CNOT2: variants seen among roughly 807,000 people sequenced by gnomAD.
The protein encoded by CNOT2 is CCR4-NOT transcription complex subunit 2.
In CNOT2, 7 loss-of-function variants were observed where a neutral mutation model predicts 72.1. The observed-to-expected ratio is 0.10, with a 90% confidence interval of 0.06 to 0.18. The LOEUF is 0.18. CNOT2 is among the 10% of genes least tolerant of loss of function. The pLI is 1.00. For synonymous variants in CNOT2, 196 were observed against 225.6 expected, an observed-to-expected ratio of 0.87 and a Z score of 1.17; for missense variants, 345 against 660.3, an observed-to-expected ratio of 0.52 and a Z score of 5.23.
intron 2 of CNOT2, among the ~76,000 whole-genome samples, chr12:70,283,334 C>T (rs1870203905): frequency 6.6e-6 from 1 of 151,890 alleles, no homozygotes; most frequent in Admixed American, 6.6e-5. Context: ...GTGCTGTGCA[C>T]CTGTAGTCCT....
intron 11 of CNOT2, among the ~76,000 whole-genome samples, chr12:70,341,071 C>T (rs573169340): frequency 1.1e-4 from 16 of 151,830 alleles, no homozygotes; most frequent in African/African-American, 2.7e-4. Context: ...TTAGTAGAGA[C>T]GGGATTTCAC....
intron 1 of CNOT2, among the ~76,000 whole-genome samples, chr12:70,270,162 A>T (rs1959186928): frequency 6.6e-6 from 1 of 152,168 alleles, no homozygotes; most frequent in Non-Finnish European, 1.5e-5. Flanking sequence ...ATTTTTAAAT[A>T]CTTGTTTCAA....
Position 70,329,410 on chromosome 12 carries a change from AT to A in CNOT2, c.239-6del, listed in dbSNP as rs760395199. The A allele has an allele frequency of 8.1e-6, 13 of 1,602,058 alleles. No homozygotes were observed. Among genetic ancestry groups the A allele is most frequent in the East Asian group, 2.2e-5 (1 of 44,658 alleles). Reference sequence around the variant, plus strand: ...ATGGCAATGAATTTCCTTCTTCTGAATTTTTTTATTAGGTGCACTAGGCCTT... The same window carrying A: ...ATGGCAATGAATTTCCTTCTTCTGAATTTTTTATTAGGTGCACTAGGCCTT... On this transcript the variant is annotated splice_polypyrimidine_tract_variant and intron_variant, in intron 4 of 15. Transcript: ENST00000229195.
intron 2 of CNOT2, among the ~76,000 whole-genome samples, chr12:70,306,740 G>C (rs1442266000): frequency 6.6e-6 from 1 of 152,156 alleles, no homozygotes; most frequent in African/African-American, 2.4e-5. Flanking sequence ...TTCTAATGCT[G>C]TATATCCAAG....
At chr12:70,336,416 A>T (rs1880707929) in intron 8 of CNOT2, 1 of 152,110 alleles carries the variant, frequency 6.6e-6, no homozygotes, top group African/African-American at 2.4e-5. Context: ...TATTTTTATC[A>T]CATAGTTTTT....
chr12:70,278,090 C>A lies in CNOT2; in HGVS notation c.-95-42C>A, dbSNP rs1869166715. On this transcript the variant is annotated intron_variant, in intron 1 of 15. Transcript: ENST00000229195. ...ATTTTTGCTGCTGTTGATATATTTA[C>A]ATGTTAGTAATTTTGATGGCTTTTG... is the stretch of plus-strand genomic sequence containing the variant. The A allele has an allele frequency of 2.4e-5, 14 of 592,238 alleles. No individual in the cohort carries two copies. In the South Asian group the frequency reaches 3.1e-4, roughly 13 times the overall value. 36.7% of individuals were successfully genotyped at this position (592,238 alleles called of 1,614,324 possible). A position where few individuals can be genotyped will look rare whatever the true frequency, so the allele number is the denominator to read the frequency against.
chr12:70,264,522 C>G (rs1294532067), intron 1 of CNOT2, among the ~76,000 whole-genome samples: 1 of 152,092 alleles, frequency 6.6e-6, no homozygotes, highest in Non-Finnish European at 1.5e-5. Context: ...TAACCACGGT[C>G]TTATGAGTGA....
At chr12:70,269,673 A>G (rs1447303073) in intron 1 of CNOT2, among the ~76,000 whole-genome samples, 2 of 152,226 alleles carry the variant, frequency 1.3e-5, no homozygotes, top group African/African-American at 4.8e-5. Flanking sequence ...GGTAACAAAA[A>G]TCATCACAGG....
chr12:70,350,005 T>A (rs1882678459), intron 15 of CNOT2, among the ~76,000 whole-genome samples: 1 of 149,684 alleles, frequency 6.7e-6, no homozygotes, highest in South Asian at 2.1e-4. Flanking sequence ...CAGATCCTAT[T>A]TTTTTTTTTA....
intron 1 of CNOT2, among the ~76,000 whole-genome samples, chr12:70,274,255 C>T (rs1288305060): frequency 6.6e-6 from 1 of 152,040 alleles, no homozygotes; most frequent in Non-Finnish European, 1.5e-5. Context: ...TATGTGACTG[C>T]AGTCTACCTA....
chr12:70,259,330 C>T (rs1225849065), intron 1 of CNOT2, among the ~76,000 whole-genome samples: 5 of 151,308 alleles, frequency 3.3e-5, no homozygotes, highest in Non-Finnish European at 7.4e-5. Context: ...TTTTTAATAT[C>T]CATAGGAACT....
chr12:70,346,121 A>T, intron 14 of CNOT2, 59 bp from the exon 15 acceptor site: 3 of 1,150,730 alleles, frequency 2.6e-6, no homozygotes, highest in Non-Finnish European at 2.5e-6. Flanking sequence ...CAAAATGTAG[A>T]ACATGTTTGA....
At chr12:70,245,905 C>T (rs1249753546) in intron 1 of CNOT2, among the ~76,000 whole-genome samples, 5 of 152,052 alleles carry the variant, frequency 3.3e-5, no homozygotes, top group Admixed American at 3.3e-4. Flanking sequence ...ATAAAATTTT[C>T]AGGTGTATGA....
At chr12:70,309,862 A>G (rs1184639415) in intron 2 of CNOT2, among the ~76,000 whole-genome samples, 1 of 152,110 alleles carries the variant, frequency 6.6e-6, no homozygotes, top group Non-Finnish European at 1.5e-5. Context: ...TTAAAAATTA[A>G]AATTAGCACA....
intron 9 of CNOT2, 154 bp downstream of exon 9, chr12:70,337,667 C>A: frequency 1.2e-6 from 1 of 827,194 alleles, no homozygotes; most frequent in Non-Finnish European, 1.9e-6. Context: ...AGCTTTATAA[C>A]TTAGAAGATA....
At chr12:70,284,102 C>T (rs1369160888) in intron 2 of CNOT2, among the ~76,000 whole-genome samples, 2 of 151,686 alleles carry the variant, frequency 1.3e-5, no homozygotes, top group African/African-American at 4.8e-5. Context: ...CCACCATGCC[C>T]AGCTAATTGT....
chr12:70,251,065 T>G (rs889177835), intron 1 of CNOT2, among the ~76,000 whole-genome samples: 5 of 151,904 alleles, frequency 3.3e-5, no homozygotes, highest in African/African-American at 7.3e-5. Flanking sequence ...ACTGAAAACT[T>G]TCCTTAATTC....
At chr12:70,256,603 A>AAAG (rs1218069066) in intron 1 of CNOT2, among the ~76,000 whole-genome samples, 1 of 150,124 alleles carries the variant, frequency 6.7e-6, no homozygotes, top group Non-Finnish European at 1.5e-5. Context: ...AAAAAAAAAA[A>AAAG]GTGGTAATAG....
intron 2 of CNOT2, among the ~76,000 whole-genome samples, chr12:70,304,390 T>C (rs1437459565): frequency 1.3e-5 from 2 of 152,332 alleles, no homozygotes; most frequent in South Asian, 4.1e-4. Context: ...GGTGTGGATG[T>C]CCTTTCTGTT....
Sources: gnomAD v4.1 joint callset for allele counts (sites outside exome capture counted in the v4.1 genomes callset) on GRCh38, gnomAD v4.1.1 for gene constraint, MANE v1.5 for transcripts, NCBI Gene and HGNC (gene_info 2026-07-23, HGNC 2026-07-21) for gene names.